Variants in RYR3 observed in about 807,000 individuals in gnomAD.
The protein encoded by RYR3 is ryanodine receptor 3.
In RYR3, 207 loss-of-function variants were observed where a neutral mutation model predicts 584.3. The observed-to-expected ratio is 0.35, with a 90% CI of 0.32 to 0.40. The LOEUF is 0.40. Ranked by LOEUF, RYR3 falls within the 10% of genes least tolerant of loss-of-function variation. The pLI is 1.00. For missense variants in RYR3, 5,616 were observed against 6,089.2 expected, an observed-to-expected ratio of 0.92 and a Z score of 2.59; for synonymous variants, 2,416 against 2,248.5, an observed-to-expected ratio of 1.07 and a Z score of -2.11.
At chr15:33,736,961 T>A (rs984513416) in intron 49 of RYR3, among the ~76,000 whole-genome samples, 1 of 152,172 alleles carries the variant, frequency 6.6e-6, no homozygotes, top group African/African-American at 2.4e-5. Flanking sequence ...GGTTTCACCA[T>A]GTTGGCCAGG....
At chr15:33,863,516 CTCTGAGATCAT>C (rs1406010699) in intron 102 of RYR3, among the ~76,000 whole-genome samples, 1 of 152,182 alleles carries the variant, frequency 6.6e-6, no homozygotes, top group Non-Finnish European at 1.5e-5. Context: ...TGGAAACGGT[CTCTGAGATCAT>C]ATAATGTGAG....
intron 18 of RYR3, among the ~76,000 whole-genome samples, chr15:33,612,119 G>A (rs1172268075): frequency 6.6e-6 from 1 of 152,190 alleles, no homozygotes; most frequent in Non-Finnish European, 1.5e-5. Flanking sequence ...CCTGAGAGGG[G>A]AGGGGTAGGT....
intron 19 of RYR3, among the ~76,000 whole-genome samples, chr15:33,618,090 CA>C (rs1416721646): frequency 6.6e-6 from 1 of 152,074 alleles, no homozygotes; most frequent in Non-Finnish European, 1.5e-5. Context: ...ATATACACCC[CA>C]CAAGTGGCAT....
chr15:33,547,226 C>T (rs1567504264), intron 8 of RYR3, among the ~76,000 whole-genome samples: 2 of 152,162 alleles, frequency 1.3e-5, no homozygotes, highest in Non-Finnish European at 1.5e-5. Context: ...CCAACCGGTA[C>T]TCCACAAAAC....
chr15:33,538,789 G>C (rs980405804), intron 5 of RYR3, among the ~76,000 whole-genome samples: 1 of 152,122 alleles, frequency 6.6e-6, no homozygotes. Flanking sequence ...AAAGACCTGG[G>C]TTTTCACTTT....
At chr15:33,597,175 A>T (rs570274044) in intron 16 of RYR3, among the ~76,000 whole-genome samples, 1 of 152,222 alleles carries the variant, frequency 6.6e-6, no homozygotes, top group Non-Finnish European at 1.5e-5. Context: ...TGTAACCCCT[A>T]TGCCAAATTT....
intron 12 of RYR3, among the ~76,000 whole-genome samples, chr15:33,578,455 C>T (rs759251933): frequency 6.6e-6 from 1 of 152,116 alleles, no homozygotes; most frequent in Non-Finnish European, 1.5e-5. Flanking sequence ...ATGTCCTTAG[C>T]AGGGACATGG....
intron 31 of RYR3, among the ~76,000 whole-genome samples, chr15:33,650,076 C>G (rs2062374071): frequency 6.6e-6 from 1 of 152,160 alleles, no homozygotes; most frequent in South Asian, 2.1e-4. Context: ...GGACCTGCAG[C>G]TGGTTAAGAG....
In RYR3 at chr15:33,854,438, T is replaced by G; in HGVS notation, c.13849T>G (p.Phe4617Val). The change falls in exon 97 of 104, where the codon TTT becomes GTT. Residue 4617 changes from phenylalanine to valine, a missense_variant. Phe to Val is a conservative substitution (Grantham distance 50). Around this residue, in one of 9 missense-constraint regions of RYR3, gnomAD observed 918 missense variants for 887.4 expected, o/e 1.03. Transcript: ENST00000634891. The stretch of plus-strand genomic sequence containing the variant: ...CCATATCTGGAAGCTTGGAGTTGTT[T>G]TTACTGACAACGTAAGTACTGCACC... ...KYHIWKLGVV[F>V]TDNSFLYLAW... 6.4e-7 allele frequency: 1 copy of G among 1,574,450 alleles called. No individual in the cohort carries two copies. Among genetic ancestry groups the G allele is most frequent in the Non-Finnish European group, 8.6e-7 (1 of 1,158,796 alleles).
chr15:33,727,134 G>T (rs2152815966), intron 46 of RYR3, among the ~76,000 whole-genome samples: 1 of 152,306 alleles, frequency 6.6e-6, no homozygotes, highest in Non-Finnish European at 1.5e-5. Context: ...GGCACAGACG[G>T]GCCCCCACAC....
At chr15:33,698,254 G>A (rs1413700236) in intron 40 of RYR3, among the ~76,000 whole-genome samples, 1 of 152,208 alleles carries the variant, frequency 6.6e-6, no homozygotes, top group Non-Finnish European at 1.5e-5. Flanking sequence ...TTTACTTCCC[G>A]TATTCGGCAG....
intron 42 of RYR3, among the ~76,000 whole-genome samples, chr15:33,705,069 C>T (rs574739547): frequency 3.9e-4 from 58 of 149,534 alleles, no homozygotes; most frequent in Admixed American, 8.0e-4. Flanking sequence ...CATACACACA[C>T]GCATATGCAC....
chr15:33,663,492 C>T, intron 35 of RYR3, 45 bp from the exon 36 acceptor site: 2 of 1,557,232 alleles, frequency 1.3e-6, no homozygotes, highest in Admixed American at 1.8e-5. Context: ...CTAGCAGCCT[C>T]ACCAAAGTAC....
At chr15:33,582,841 C>A (rs1279740817) in intron 14 of RYR3, among the ~76,000 whole-genome samples, 1 of 152,146 alleles carries the variant, frequency 6.6e-6, no homozygotes, top group Non-Finnish European at 1.5e-5. Flanking sequence ...TAGAGGAGGC[C>A]TTTCTTTATC....
In RYR3 at chr15:33,646,423, A is replaced by G. The variant is rs2062106444; in HGVS notation, c.3838A>G (p.Asn1280Asp). The G allele has an allele frequency of 6.2e-7, 1 of 1,613,946 alleles. No individual in the cohort carries two copies. Among genetic ancestry groups the G allele is most frequent in the South Asian group, 1.1e-5 (1 of 91,066 alleles). Residue 1280 changes from asparagine to aspartate, a missense_variant, in exon 29 of 104, where the codon AAT becomes GAT. Around this residue, in one of 9 missense-constraint regions of RYR3, gnomAD observed 753 missense variants for 741.0 expected, o/e 1.02. Coordinates refer to ENST00000634891, the MANE Select transcript of RYR3 (RefSeq NM_001036.6). ...GACGCATAAGACATTTGGCACACAG[A>G]ATAGCAATGCCGACATGATCTATTG... ...KVTHKTFGTQNSNADMIYCRL... is the reference protein window; with the variant it reads ...KVTHKTFGTQDSNADMIYCRL...
chr15:33,517,839 G>C (rs909478556), intron 3 of RYR3, among the ~76,000 whole-genome samples: 21 of 152,144 alleles, frequency 1.4e-4, no homozygotes, highest in African/African-American at 4.6e-4. Flanking sequence ...GATTGGAGGA[G>C]ATATTAGTAT....
At chr15:33,757,680 C>G (rs2071983222) in intron 60 of RYR3, 84 bp downstream of exon 60, 8 of 1,441,366 alleles carry the variant, frequency 5.6e-6, no homozygotes, top group Middle Eastern at 2.0e-4. Flanking sequence ...AAAGGCGAGT[C>G]TTTTGGAGAA....
At chr15:33,780,377 C>A (rs867716859) in intron 65 of RYR3, 36 bp downstream of exon 65, 1 of 1,608,114 alleles carries the variant, frequency 6.2e-7, no homozygotes, top group East Asian at 2.2e-5. Context: ...CAACCCATTT[C>A]ATGTGCTGAG....
chr15:33,511,329 T>TAAA (rs34328973), intron 3 of RYR3, among the ~76,000 whole-genome samples: 1,449 of 119,302 alleles, frequency 0.012, 14 homozygotes, highest in East Asian at 0.035. Context: ...TTTCTCTCTT[T>TAAA]AAAAAAAAAA....
Sources: gnomAD v4.1 joint callset for allele counts (sites outside exome capture counted in the v4.1 genomes callset) on GRCh38, gnomAD v4.1.1 for gene constraint, gnomAD v4.1.1 regional missense constraint, MANE v1.5 for transcripts, NCBI Gene and HGNC (gene_info 2026-07-23, HGNC 2026-07-21) for gene names.